PTCD3: variants seen among roughly 807,000 people sequenced by gnomAD.
PTCD3 encodes pentatricopeptide repeat domain 3, also known as small ribosomal subunit protein mS39.
PTCD3 carries 89 observed loss-of-function variants against 101.9 expected under a neutral mutation model. The ratio of observed to expected loss-of-function variants is 0.87; its 90% CI spans 0.74 to 1.04. The LOEUF is 1.04. Among genes scored for constraint, PTCD3 ranks in the 50% least tolerant of loss-of-function variants. The pLI is 0.00. For missense variants in PTCD3, 870 were observed against 828.2 expected, an observed-to-expected ratio of 1.05 and a Z score of -0.62; for synonymous variants, 296 against 278.5, an observed-to-expected ratio of 1.06 and a Z score of -0.63.
intron 1 of PTCD3, chr2:86,107,022 C>T: frequency 2.3e-6 from 1 of 428,496 alleles, no homozygotes; most frequent in South Asian, 1.7e-5. Context: ...ATTTCCTCAT[C>T]TGCAGACTAG....
At chr2:86,107,170 C>G (rs1056103825) in intron 1 of PTCD3, 6 of 471,098 alleles carry the variant, frequency 1.3e-5, no homozygotes, top group Non-Finnish European at 2.6e-5. Flanking sequence ...AACCTTTGTG[C>G]TGCCATTCAA....
At chr2:86,128,812 C>A (rs974128069) in intron 14 of PTCD3, among the ~76,000 whole-genome samples, 3 of 152,196 alleles carry the variant, frequency 2.0e-5, no homozygotes, top group Non-Finnish European at 2.9e-5. Context: ...CGACTAGATA[C>A]CTACCTGAGG....
In PTCD3 at chr2:86,108,513, A is replaced by G; in HGVS notation, c.171A>G (p.Val57=). 6.3e-7 allele frequency: 1 copy of G among 1,597,694 alleles called. No homozygotes were observed. ...EGTDVTGIEE[V]VIPKKKTWDK... ...TTTTTACATTAGGGATTGAAGAAGT[A>G]GTAATTCCAAAAAAGAAAACTTGGT... The change falls in exon 3 of 24, where the codon GTA becomes GTG. Residue 57 remains valine (V), a synonymous_variant. Transcript: ENST00000254630.
At position 86,118,984 on chromosome 2, in the gene PTCD3, C is replaced by G. The variant is rs1004484292; in HGVS notation, c.478C>G (p.Arg160Gly). 1 of 1,614,004 alleles carries G rather than the reference C, an allele frequency of 6.2e-7. No individual in the cohort carries two copies. The highest frequency in any genetic ancestry group is 8.5e-7 in the Non-Finnish European group (1 of 1,179,948). ...KDISEAALKERIELRKVKASV... is the reference protein window; with the variant it reads ...KDISEAALKEGIELRKVKASV... Reference sequence around the variant, plus strand: ...CATAAGTGAAGCCGCCCTGAAGGAACGAATTGAGCTCAGAAAAGTCAAAGC... The same window carrying G: ...CATAAGTGAAGCCGCCCTGAAGGAAGGAATTGAGCTCAGAAAAGTCAAAGC... Residue 160 changes from arginine (R) to glycine (G), a missense_variant, in exon 7 of 24, where the codon CGA becomes GGA. Coordinates refer to ENST00000254630, the MANE Select transcript of PTCD3 (RefSeq NM_017952.6).
chr2:86,119,872 C>T (rs945167131), intron 7 of PTCD3, among the ~76,000 whole-genome samples: 5 of 152,110 alleles, frequency 3.3e-5, no homozygotes, highest in African/African-American at 9.7e-5. Flanking sequence ...TGTAAACTTG[C>T]GGAGCTACAC....
chr2:86,136,833 C>T, intron 22 of PTCD3, 149 bp from the exon 23 acceptor site: 1 of 1,110,330 alleles, frequency 9.0e-7, no homozygotes, highest in South Asian at 1.5e-5. Flanking sequence ...TCTAACCTCA[C>T]TGGAAACAAG....
rs1674083196 is a variant in PTCD3, at chr2:86,111,486, G to GTAATCCCAGCTA, written c.240+328_240+329insTAATCCCAGCTA. Among the ~76,000 whole-genome samples the GTAATCCCAGCTA allele has an allele frequency of 2.0e-5, 3 of 151,958 alleles. No individual in the cohort carries two copies. In the South Asian group the frequency reaches 6.2e-4, roughly 32 times the overall value. On this transcript the variant is annotated intron_variant, in intron 4 of 23. Coordinates refer to ENST00000254630, the MANE Select transcript of PTCD3 (RefSeq NM_017952.6). ...ACCTGTAATCCCAGCTACTTGGGAG[G>GTAATCCCAGCTA]CTGAGGCAGGAGAATGGCGTGAACC...
chr2:86,125,952 A>G, intron 12 of PTCD3, 72 bp downstream of exon 12: 2 of 1,133,544 alleles, frequency 1.8e-6, no homozygotes, highest in African/African-American at 1.6e-5. Context: ...TGGGCTGGCC[A>G]GGTGTGGTGG....
chr2:86,128,793 A>G (rs946531020), intron 14 of PTCD3, among the ~76,000 whole-genome samples: 1 of 152,162 alleles, frequency 6.6e-6, no homozygotes, highest in Admixed American at 6.5e-5. Flanking sequence ...TTTACCAGCT[A>G]TGTCAAAGCG....
chr2:86,107,934 C>T (rs1015570093), intron 1 of PTCD3, among the ~76,000 whole-genome samples: 2 of 152,132 alleles, frequency 1.3e-5, no homozygotes, highest in Admixed American at 1.3e-4. Flanking sequence ...TCCTCCCTCT[C>T]TGCCATTTAT....
At chr2:86,133,547 C>G in intron 19 of PTCD3, 111 bp downstream of exon 19, 1 of 1,060,322 alleles carries the variant, frequency 9.4e-7, no homozygotes, top group Non-Finnish European at 1.4e-6. Flanking sequence ...TTTGACTGAA[C>G]CAAATGTGTT....
intron 20 of PTCD3, 72 bp downstream of exon 20, chr2:86,134,449 T>C: frequency 7.8e-7 from 1 of 1,274,810 alleles, no homozygotes; most frequent in Non-Finnish European, 1.1e-6. Context: ...TCCCTGGTTT[T>C]ATCTGCCATT....
chr2:86,120,636 T>C (rs1474894010), intron 7 of PTCD3, among the ~76,000 whole-genome samples: 4 of 152,214 alleles, frequency 2.6e-5, no homozygotes, highest in African/African-American at 9.6e-5. Flanking sequence ...GGCTCACACC[T>C]GTAATCCCAG....
intron 4 of PTCD3, among the ~76,000 whole-genome samples, chr2:86,115,759 T>C (rs1022152930): frequency 1.3e-5 from 2 of 151,922 alleles, no homozygotes; most frequent in Non-Finnish European, 2.9e-5. Context: ...TATTGGAGAG[T>C]TGATTATGCT....
intron 21 of PTCD3, chr2:86,135,778 GTCTC>G (rs1030768795): frequency 5.0e-6 from 2 of 396,136 alleles, no homozygotes; most frequent in Non-Finnish European, 9.9e-6. Flanking sequence ...GCTCACACGT[GTCTC>G]TCTAGCAACT....
Position 86,137,481 on chromosome 2 carries a change from T to A in PTCD3, c.1992T>A (p.Ser664Arg). ...CTTTTCTTAACAGGGAAGCCCTAAG[T>A]AATCTAACTGCATTGACCAGTGACA... ...AINQEQKEAL[S>R]NLTALTSDSD... The change falls in exon 24 of 24, where the codon AGT becomes AGA. Residue 664 changes from serine to arginine, a missense_variant. By Grantham distance (110) the Ser-to-Arg change is moderately radical (BLOSUM62 -1). Coordinates refer to ENST00000254630, the MANE Select transcript of PTCD3 (RefSeq NM_017952.6). The A allele has an allele frequency of 6.2e-7, 1 of 1,613,338 alleles. No individual in the cohort carries two copies. The highest frequency in any genetic ancestry group is 8.5e-7 in the Non-Finnish European group (1 of 1,179,860).
chr2:86,116,761 G>A (rs995890089), intron 5 of PTCD3, among the ~76,000 whole-genome samples, 163 bp downstream of exon 5: 4 of 152,266 alleles, frequency 2.6e-5, no homozygotes, highest in South Asian at 4.1e-4. Context: ...TGTACATATC[G>A]TCAATGGGGA....
intron 4 of PTCD3, among the ~76,000 whole-genome samples, chr2:86,114,730 C>T (rs1458165097): frequency 6.6e-6 from 1 of 152,276 alleles, no homozygotes; most frequent in South Asian, 2.1e-4. Flanking sequence ...TTTGTTTATC[C>T]CTTCAAAAGA....
chr2:86,127,063 A>G, intron 12 of PTCD3, 98 bp from the exon 13 acceptor site: 1 of 1,109,942 alleles, frequency 9.0e-7, no homozygotes, highest in South Asian at 1.6e-5. Flanking sequence ...TGCTTTAAAC[A>G]TAAGCAAGAA....
Sources: gnomAD v4.1 joint callset for allele counts (sites outside exome capture counted in the v4.1 genomes callset) on GRCh38, gnomAD v4.1.1 for gene constraint, MANE v1.5 for transcripts, NCBI Gene and HGNC (gene_info 2026-07-23, HGNC 2026-07-21) for gene names.